The following PTCHD4 variants were observed in gnomAD, a reference collection of about 807,000 sequenced individuals.
The protein encoded by PTCHD4 is patched domain containing 4, also known as patched domain-containing protein 4.
Under a neutral mutation model 58.1 loss-of-function variants are expected in PTCHD4, and 33 were observed. The observed-to-expected ratio is 0.57, with a 90% CI of 0.43 to 0.76. PTCHD4 has a LOEUF of 0.76. Among genes scored for constraint, PTCHD4 ranks in the 30% least tolerant of loss-of-function variants. PTCHD4 has a pLI of 0.00. For missense variants in PTCHD4, 1,058 were observed against 1,027.1 expected (o/e 1.03, Z -0.41); for synonymous variants, 478 against 409.6 (o/e 1.17, Z -2.02).
intron 4 of PTCHD4, among the ~76,000 whole-genome samples, chr6:47,980,266 CA>C (rs148614347): frequency 0.014 from 2,080 of 152,152 alleles, 50 homozygotes; most frequent in African/African-American, 0.047. Flanking sequence ...CTTTAGGCCA[CA>C]AAACCCACAT....
intron 1 of PTCHD4, among the ~76,000 whole-genome samples, chr6:48,108,585 T>C (rs1419798143): frequency 6.6e-6 from 1 of 152,060 alleles, no homozygotes; most frequent in East Asian, 1.9e-4. Flanking sequence ...ATATGTATCC[T>C]AAAATTTAAA....
At chr6:48,050,519 A>T (rs1562027201) in intron 3 of PTCHD4, among the ~76,000 whole-genome samples, 4 of 152,032 alleles carry the variant, frequency 2.6e-5, no homozygotes, top group Admixed American at 2.6e-4. Flanking sequence ...ATCTGAGTGG[A>T]CTTTAACAAG....
chr6:47,951,053 T>C (rs1340903640), intron 4 of PTCHD4, among the ~76,000 whole-genome samples: 2 of 152,106 alleles, frequency 1.3e-5, no homozygotes, highest in Non-Finnish European at 2.9e-5. Context: ...GATTTTGCAA[T>C]AAATGTGAGC....
In PTCHD4 at chr6:47,871,109, A is replaced by G. The variant is rs891254912; in HGVS notation, c.*7194T>C. Among the ~76,000 whole-genome samples the G allele has an allele frequency of 6.6e-6, 1 of 151,606 alleles. No homozygotes were observed. Among genetic ancestry groups the G allele is most frequent in the Non-Finnish European group, 1.5e-5 (1 of 67,704 alleles). ...GTTTTGTTTTAGGAAAGAAAATAAA[A>G]ATGCTCAACTTTTACTCTCATTTCT... is the stretch of plus-strand genomic sequence containing the variant. On this transcript the variant is annotated 3_prime_UTR_variant, in exon 5 of 5. Coordinates refer to ENST00000339488, the MANE Select transcript of PTCHD4 (RefSeq NM_001384253.1).
chr6:48,108,746 A>G (rs1413416463), intron 1 of PTCHD4, among the ~76,000 whole-genome samples: 3 of 152,090 alleles, frequency 2.0e-5, no homozygotes, highest in Non-Finnish European at 4.4e-5. Context: ...GAGATGTTGA[A>G]AATAATTCCA....
chr6:47,893,042 C>T (rs1191470653), intron 4 of PTCHD4, among the ~76,000 whole-genome samples: 1 of 152,276 alleles, frequency 6.6e-6, no homozygotes, highest in Non-Finnish European at 1.5e-5. Context: ...GATGGACTCT[C>T]GCTCTGTCAC....
intron 4 of PTCHD4, among the ~76,000 whole-genome samples, chr6:47,995,629 C>G (rs542793935): frequency 2.6e-5 from 4 of 152,208 alleles, no homozygotes; most frequent in African/African-American, 9.6e-5. Context: ...AAGTTCTTCC[C>G]CTGGAATACA....
At chr6:48,064,158 C>T (rs780435112) in intron 3 of PTCHD4, among the ~76,000 whole-genome samples, 29 of 152,112 alleles carry the variant, frequency 1.9e-4, no homozygotes, top group South Asian at 4.1e-4. Context: ...TCTCTATCAC[C>T]GTTGGCCAGG....
At chr6:48,016,033 A>G (rs888507246) in intron 3 of PTCHD4, among the ~76,000 whole-genome samples, 6 of 151,858 alleles carry the variant, frequency 4.0e-5, no homozygotes, top group African/African-American at 1.5e-4. Flanking sequence ...TACAGAAAAG[A>G]AACAACAACA....
rs1233375440 is a variant in PTCHD4 at position 47,870,827 on chromosome 6, C to G, written c.*7476G>C. On this transcript the variant is annotated 3_prime_UTR_variant, in exon 5 of 5. Coordinates refer to ENST00000339488, the MANE Select transcript of PTCHD4 (RefSeq NM_001384253.1). ...TTGTAGAGCCCAAGGTACAGAACTA[C>G]AGAGCAGAAACCTAAAATGGCTTTG... is the stretch of plus-strand genomic sequence containing the variant. Among the ~76,000 whole-genome samples the G allele has an allele frequency of 6.6e-6, 1 of 151,472 alleles. No homozygotes were observed. Among genetic ancestry groups the G allele is most frequent in the Non-Finnish European group, 1.5e-5 (1 of 67,650 alleles).
At position 47,865,592 on chromosome 6, in the gene PTCHD4, C is replaced by T. The variant is rs141868351; in HGVS notation, c.*12711G>A. On this transcript the variant is annotated 3_prime_UTR_variant, in exon 5 of 5. Coordinates refer to ENST00000339488, the MANE Select transcript of PTCHD4 (RefSeq NM_001384253.1). ...GTTCTTGGGTGTTCAGGCCATCTTA[C>T]AGATATAAGTTTTGTGAATTGTATT... is the stretch of plus-strand genomic sequence containing the variant. 1.3e-5 allele frequency among the ~76,000 whole-genome samples: 2 copies of T among 151,930 alleles called. No individual in the cohort carries two copies. The highest frequency in any genetic ancestry group is 3.9e-4 in the East Asian group (2 of 5,132).
chr6:48,090,461 C>T (rs1010403075), intron 1 of PTCHD4, among the ~76,000 whole-genome samples: 1 of 152,036 alleles, frequency 6.6e-6, no homozygotes, highest in Non-Finnish European at 1.5e-5. Flanking sequence ...CACTGTCAAG[C>T]AGATATTTTT....
chr6:47,931,669 G>A (rs9473208), intron 4 of PTCHD4, among the ~76,000 whole-genome samples: 3,987 of 152,030 alleles, frequency 0.026, 171 homozygotes, highest in African/African-American at 0.09. Context: ...ATATGAAGAA[G>A]CAAGTTTCCA....
intron 4 of PTCHD4, among the ~76,000 whole-genome samples, chr6:47,935,888 G>T (rs1450440952): frequency 1.3e-5 from 2 of 152,112 alleles, no homozygotes; most frequent in Admixed American, 6.5e-5. Flanking sequence ...AGATAAGGAG[G>T]GTAGAGAGTA....
intron 4 of PTCHD4, chr6:47,901,620 A>G: frequency 9.3e-7 from 1 of 1,072,084 alleles, no homozygotes; most frequent in African/African-American, 1.7e-5. Flanking sequence ...TGGGAGATAG[A>G]AAAGACAGTA....
intron 4 of PTCHD4, among the ~76,000 whole-genome samples, chr6:47,922,811 T>G (rs189456477): frequency 2.0e-3 from 298 of 152,320 alleles, no homozygotes; most frequent in Admixed American, 5.2e-3. Context: ...CGAGTATTAT[T>G]CTTGTTACTG....
At chr6:47,948,433 C>T (rs948059654) in intron 4 of PTCHD4, among the ~76,000 whole-genome samples, 2 of 152,156 alleles carry the variant, frequency 1.3e-5, no homozygotes, top group African/African-American at 2.4e-5. Flanking sequence ...CCCTCAAGGA[C>T]GAGGGTCACA....
At chr6:48,052,234 A>G (rs1764259664) in intron 3 of PTCHD4, among the ~76,000 whole-genome samples, 1 of 152,022 alleles carries the variant, frequency 6.6e-6, no homozygotes, top group South Asian at 2.1e-4. Context: ...GGAGCTAAAA[A>G]CAAAAAGGGT....
intron 4 of PTCHD4, among the ~76,000 whole-genome samples, chr6:47,965,229 A>G (rs1177375725): frequency 6.6e-6 from 1 of 152,214 alleles, no homozygotes; most frequent in Non-Finnish European, 1.5e-5. Context: ...CTGAGCAGCT[A>G]TTAAATTAGG....
Sources: allele counts gnomAD v4.1 joint callset (sites outside exome capture counted in the v4.1 genomes callset), GRCh38; gene constraint gnomAD v4.1.1; transcripts MANE v1.5; gene names NCBI Gene and HGNC (gene_info 2026-07-23, HGNC 2026-07-21).